Variants in PPP3CC observed in about 807,000 individuals in gnomAD.
PPP3CC encodes the protein serine/threonine-protein phosphatase 2B catalytic subunit gamma isoform.
In PPP3CC, 35 loss-of-function variants were observed where a neutral mutation model predicts 60.3. The ratio of observed to expected loss-of-function variants is 0.58; its 90% CI spans 0.44 to 0.77. The LOEUF (loss-of-function observed/expected upper bound fraction) is 0.77. PPP3CC is among the 30% of genes least tolerant of loss of function. The probability of loss-of-function intolerance (pLI) is 0.00; values close to 1 mark genes in which losing one functional copy is unlikely to be tolerated. For missense variants in PPP3CC, 570 were observed against 628.9 expected, an observed-to-expected ratio of 0.91 and a Z score of 1.00; for synonymous variants, 206 against 224.3, an observed-to-expected ratio of 0.92 and a Z score of 0.73.
At chr8:22,472,318 A>C (rs1485951390) in intron 1 of PPP3CC, among the ~76,000 whole-genome samples, 4 of 147,736 alleles carry the variant, frequency 2.7e-5, no homozygotes, top group African/African-American at 1.0e-4. Flanking sequence ...TCTATTTAAA[A>C]AGTTTAAATT....
At chr8:22,491,221 A>G (rs960313820) in intron 3 of PPP3CC, among the ~76,000 whole-genome samples, 2 of 152,200 alleles carry the variant, frequency 1.3e-5, no homozygotes, top group Non-Finnish European at 2.9e-5. Flanking sequence ...GAAAGGGTGT[A>G]TGCATTCATA....
intron 10 of PPP3CC, chr8:22,531,218 T>A: frequency 7.5e-7 from 1 of 1,324,630 alleles, no homozygotes; most frequent in Non-Finnish European, 1.0e-6. Flanking sequence ...TGATTTTTTT[T>A]TCTCTTTTCC....
chr8:22,458,072 C>G (rs1169251589), intron 1 of PPP3CC, among the ~76,000 whole-genome samples: 1 of 151,906 alleles, frequency 6.6e-6, no homozygotes, highest in Non-Finnish European at 1.5e-5. Flanking sequence ...GCCTGGGCAA[C>G]AAGAGTAAAT....
At chr8:22,473,532 C>T (rs1292936595) in intron 1 of PPP3CC, among the ~76,000 whole-genome samples, 2 of 151,048 alleles carry the variant, frequency 1.3e-5, no homozygotes, top group Admixed American at 6.6e-5. Flanking sequence ...GTCACAATCT[C>T]GGCTCACTGC....
At position 22,460,472 on chromosome 8, in the gene PPP3CC, A is replaced by G. The variant is rs192096443; in HGVS notation, c.50-14482A>G. Among the ~76,000 whole-genome samples the G allele has an allele frequency of 1.1e-4, 17 of 151,982 alleles. No individual in the cohort carries two copies. The East Asian group carries it at 3.3e-3, about 30-fold the overall frequency. ...CCCCTGTAGCATTGAGATTACAAGC[A>G]TGAGCCACCATTCCCAGGCCAAAAC... On this transcript the variant is annotated intron_variant, in intron 1 of 13. Coordinates refer to ENST00000240139, the MANE Select transcript of PPP3CC (RefSeq NM_005605.5).
intron 3 of PPP3CC, among the ~76,000 whole-genome samples, chr8:22,490,065 T>G (rs1452756246): frequency 6.6e-6 from 1 of 151,918 alleles, no homozygotes; most frequent in Non-Finnish European, 1.5e-5. Context: ...CCTCGTGATC[T>G]ACCCACCTTG....
At chr8:22,507,756 A>G (rs1030168457) in intron 4 of PPP3CC, among the ~76,000 whole-genome samples, 1 of 152,170 alleles carries the variant, frequency 6.6e-6, no homozygotes, top group African/African-American at 2.4e-5. Context: ...TGTTATTATT[A>G]TTATGACCAT....
At chr8:22,452,298 A>G (rs1172743557) in intron 1 of PPP3CC, among the ~76,000 whole-genome samples, 1 of 151,902 alleles carries the variant, frequency 6.6e-6, no homozygotes, top group African/African-American at 2.4e-5. Flanking sequence ...CCTCCCAGAG[A>G]GCTGGGATTA....
In PPP3CC at chr8:22,534,720, A is replaced by G. The variant is rs545709713; in HGVS notation, c.1321+1702A>G. 4.6e-5 allele frequency among the ~76,000 whole-genome samples: 7 copies of G among 152,328 alleles called. No homozygotes were observed. The East Asian group carries it at 1.4e-3, about 29-fold the overall frequency. On this transcript the variant is annotated intron_variant, in intron 12 of 13. Transcript: ENST00000240139. ...CATCAGTAGCAGACTACATAAATAAATTGTATTCCGAAATATAAATAAATA... is the reference window on the plus strand; with the variant it reads ...CATCAGTAGCAGACTACATAAATAAGTTGTATTCCGAAATATAAATAAATA...
chr8:22,441,549 C>T, intron 1 of PPP3CC, 91 bp downstream of exon 1: 1 of 1,383,336 alleles, frequency 7.2e-7, no homozygotes, highest in Non-Finnish European at 9.5e-7. Context: ...TGGGGCCGGG[C>T]TGCGCCCACC....
chr8:22,512,199 C>T (rs1047468614), intron 5 of PPP3CC, among the ~76,000 whole-genome samples: 1 of 152,070 alleles, frequency 6.6e-6, no homozygotes, highest in African/African-American at 2.4e-5. Context: ...GTTTATAAAA[C>T]TATTTTCTCT....
At chr8:22,461,461 T>C (rs1266521957) in intron 1 of PPP3CC, among the ~76,000 whole-genome samples, 1 of 152,178 alleles carries the variant, frequency 6.6e-6, no homozygotes, top group Non-Finnish European at 1.5e-5. Flanking sequence ...GATAGTATTA[T>C]ATACATCTCT....
intron 1 of PPP3CC, among the ~76,000 whole-genome samples, chr8:22,470,059 T>TAC (rs55658283): frequency 0.071 from 10,298 of 145,994 alleles, 338 homozygotes; most frequent in Admixed American, 0.082. Flanking sequence ...TATATATATA[T>TAC]ACACACACAC....
intron 1 of PPP3CC, among the ~76,000 whole-genome samples, chr8:22,453,941 T>C (rs538412789): frequency 2.6e-5 from 4 of 152,010 alleles, no homozygotes; most frequent in Non-Finnish European, 5.9e-5. Flanking sequence ...AGTCAGGGAG[T>C]ATGTGGTGAG....
At chr8:22,448,024 GAACA>G (rs1228854446) in intron 1 of PPP3CC, among the ~76,000 whole-genome samples, 1 of 152,196 alleles carries the variant, frequency 6.6e-6, no homozygotes, top group African/African-American at 2.4e-5. Context: ...AATTCTAAAT[GAACA>G]AACACTGAGA....
intron 3 of PPP3CC, among the ~76,000 whole-genome samples, chr8:22,483,574 C>T (rs1015711095): frequency 6.6e-6 from 1 of 152,238 alleles, no homozygotes; most frequent in African/African-American, 2.4e-5. Flanking sequence ...GTGTGAGCCA[C>T]TGCGCCCAGT....
chr8:22,530,608 G>A (rs1203339479), intron 10 of PPP3CC, among the ~76,000 whole-genome samples: 2 of 151,344 alleles, frequency 1.3e-5, no homozygotes, highest in East Asian at 1.9e-4. Flanking sequence ...TGAGGCAGGT[G>A]GATCATGAGG....
chr8:22,483,839 A>T (rs1838143604), intron 3 of PPP3CC, among the ~76,000 whole-genome samples: 1 of 151,908 alleles, frequency 6.6e-6, no homozygotes, highest in Non-Finnish European at 1.5e-5. Flanking sequence ...CTATCTTGTA[A>T]TTAAAAAAAA....
chr8:22,448,071 T>C (rs1836887047), intron 1 of PPP3CC, among the ~76,000 whole-genome samples: 1 of 152,246 alleles, frequency 6.6e-6, no homozygotes, highest in Non-Finnish European at 1.5e-5. Context: ...TAATTACCTA[T>C]GTAACATTCT....
Sources: gnomAD v4.1 joint callset for allele counts (sites outside exome capture counted in the v4.1 genomes callset) on GRCh38, gnomAD v4.1.1 for gene constraint, MANE v1.5 for transcripts, NCBI Gene and HGNC (gene_info 2026-07-23, HGNC 2026-07-21) for gene names.